VAC14: variants seen among roughly 807,000 people sequenced by gnomAD.
VAC14 encodes protein VAC14 homolog.
In VAC14, 47 loss-of-function variants were observed where a neutral mutation model predicts 85.3. That is an observed-to-expected ratio of 0.55 (90% confidence interval 0.44 to 0.70). VAC14 has a LOEUF of 0.70. Ranked by LOEUF, VAC14 falls within the 30% of genes least tolerant of loss-of-function variation. The pLI is 0.00. For synonymous variants in VAC14, 447 were observed against 430.5 expected (o/e 1.04, Z -0.47); for missense variants, 861 against 1,004.3 (o/e 0.86, Z 1.93).
chr16:70,730,203 C>G (rs1234510001), intron 14 of VAC14, among the ~76,000 whole-genome samples: 1 of 151,968 alleles, frequency 6.6e-6, no homozygotes, highest in Non-Finnish European at 1.5e-5. Flanking sequence ...GCCACAGTCT[C>G]TGCTTGGACA....
chr16:70,766,967 C>T (rs955007052), intron 10 of VAC14, among the ~76,000 whole-genome samples: 1 of 152,140 alleles, frequency 6.6e-6, no homozygotes. Context: ...ACCCTGCTGT[C>T]GTGGCTTACC....
At chr16:70,720,057 T>C (rs2054251619) in intron 14 of VAC14, among the ~76,000 whole-genome samples, 1 of 152,110 alleles carries the variant, frequency 6.6e-6, no homozygotes, top group South Asian at 2.1e-4. Context: ...ACAAACCCAA[T>C]GTGGATCCAA....
chr16:70,770,485 A>G (rs1050385819), intron 10 of VAC14: 3 of 152,216 alleles, frequency 2.0e-5, no homozygotes, highest in African/African-American at 7.2e-5. Context: ...GACAAAGCTG[A>G]AGGATCCGAC....
chr16:70,783,511 T>G lies in VAC14; in HGVS notation c.638A>C (p.Tyr213Ser). 6.2e-7 allele frequency: 1 copy of G among 1,614,006 alleles called. No homozygotes were observed. The highest frequency in any genetic ancestry group is 8.5e-7 in the Non-Finnish European group (1 of 1,180,008). Residue 213 changes from tyrosine to serine, a missense_variant, in exon 6 of 19, where the codon TAC (tyrosine) becomes TCC (serine). Coordinates refer to ENST00000261776, the MANE Select transcript of VAC14 (RefSeq NM_018052.5). ...ESVPDINLLDYLPEILDGLFQ... is the reference protein window; with the variant it reads ...ESVPDINLLDSLPEILDGLFQ... ...GAGTCCATCCAGGATCTCCGGCAGG[T>G]AATCCAGCAGGTTAATGTCTGGCAC...
chr16:70,762,741 C>A lies in VAC14; in HGVS notation c.1306-136G>T. 6.7e-7 allele frequency: 1 copy of A among 1,497,780 alleles called. No individual in the cohort carries two copies. The highest frequency in any genetic ancestry group is 1.2e-5 in the South Asian group (1 of 83,092). The allele number at this position is 1,497,780 out of a possible 1,614,324, so 92.8% of individuals were successfully genotyped here. A position where few individuals can be genotyped will look rare whatever the true frequency, so the allele number is the denominator to read the frequency against. On this transcript the variant is annotated intron_variant, in intron 11 of 18. Coordinates refer to ENST00000261776, the MANE Select transcript of VAC14 (RefSeq NM_018052.5). This position sits in a 1 kb window ranked among gnomAD's most constrained non-coding sequence, Gnocchi z 4.1. The stretch of plus-strand genomic sequence containing the variant: ...TCCCTCCCCGACACAATGAGGGCTC[C>A]TCGCAGCACCTGTCACTTCTCTGCC...
intron 10 of VAC14, 28 bp downstream of exon 10, chr16:70,772,081 A>T: frequency 6.2e-7 from 1 of 1,612,060 alleles, no homozygotes; most frequent in African/African-American, 1.3e-5. Flanking sequence ...GCTTTCCACA[A>T]ACCTTCTGGC....
intron 14 of VAC14, among the ~76,000 whole-genome samples, chr16:70,729,918 T>C (rs1430000598): frequency 3.9e-5 from 6 of 152,090 alleles, no homozygotes; most frequent in Non-Finnish European, 8.8e-5. Context: ...TACAGCAAAC[T>C]ACTTCTTCAA....
intron 18 of VAC14, chr16:70,691,179 G>A (rs550444099): frequency 1.9e-5 from 19 of 985,524 alleles, no homozygotes; most frequent in East Asian, 2.3e-4. Context: ...CTGGTTTGAG[G>A]AGTCTGACTG....
intron 10 of VAC14, chr16:70,766,369 C>CGGCA (rs1278979863): frequency 4.9e-6 from 2 of 408,868 alleles, no homozygotes; most frequent in Admixed American, 2.6e-5. Context: ...GGCCAAAGAA[C>CGGCA]GGCAGCATAT....
At chr16:70,728,917 T>TG (rs369035131) in intron 14 of VAC14, among the ~76,000 whole-genome samples, 15 of 152,216 alleles carry the variant, frequency 9.9e-5, no homozygotes, top group African/African-American at 1.4e-4. Context: ...GCTTTCCTGG[T>TG]GGGGGGGCCT....
intron 9 of VAC14, among the ~76,000 whole-genome samples, chr16:70,775,891 T>C (rs553474357): frequency 5.9e-5 from 9 of 152,326 alleles, no homozygotes; most frequent in Middle Eastern, 6.8e-3. Flanking sequence ...AGGGGAAGGA[T>C]TGGGCACTTC....
chr16:70,723,994 G>A (rs1465609305), intron 14 of VAC14, among the ~76,000 whole-genome samples: 1 of 152,074 alleles, frequency 6.6e-6, no homozygotes, highest in Non-Finnish European at 1.5e-5. Flanking sequence ...AAGGACACAT[G>A]GCCACCTCTT....
At chr16:70,767,292 A>T (rs1330575414) in intron 10 of VAC14, among the ~76,000 whole-genome samples, 1 of 152,188 alleles carries the variant, frequency 6.6e-6, no homozygotes, top group Non-Finnish European at 1.5e-5. Context: ...CATTTCTGTA[A>T]CGTCTAACTT....
chr16:70,795,953 G>C (rs2034528407), intron 1 of VAC14, among the ~76,000 whole-genome samples: 5 of 152,306 alleles, frequency 3.3e-5, no homozygotes, highest in Admixed American at 3.3e-4. Flanking sequence ...ACACTGATCA[G>C]AGTGCCTGCT....
intron 13 of VAC14, among the ~76,000 whole-genome samples, chr16:70,733,533 T>C (rs375430422): frequency 6.6e-6 from 1 of 152,056 alleles, no homozygotes; most frequent in African/African-American, 2.4e-5. Context: ...TACTGGATGA[T>C]GGGGGTGGAT....
In VAC14 at chr16:70,762,142, C is replaced by G. The variant is rs1212614358; in HGVS notation, c.1371+398G>C. Among the ~76,000 whole-genome samples, 1 of 152,016 alleles carries G rather than the reference C, an allele frequency of 6.6e-6. No individual in the cohort carries two copies. The highest frequency in any genetic ancestry group is 2.4e-5 in the African/African-American group (1 of 41,378). ...TGTTTTTTTGAGACAGGGTCTCACT[C>G]TGTCGCCCAAGCTGGAGTGCAGTGG... On this transcript the variant is annotated intron_variant, in intron 12 of 18. Transcript: ENST00000261776. The surrounding 1 kb of genome is among the most constrained non-coding windows in gnomAD (Gnocchi z 4.1).
intron 8 of VAC14, among the ~76,000 whole-genome samples, 165 bp from the exon 9 acceptor site, chr16:70,781,104 A>G (rs533323860): frequency 4.0e-4 from 61 of 152,206 alleles, no homozygotes; most frequent in African/African-American, 1.5e-3. Flanking sequence ...CATGGTACTG[A>G]GCGAGTTGAG....
chr16:70,751,535 G>A (rs1018522657), intron 12 of VAC14, among the ~76,000 whole-genome samples: 1 of 152,232 alleles, frequency 6.6e-6, no homozygotes, highest in Non-Finnish European at 1.5e-5. Context: ...AAACCTTGGG[G>A]TCTTCTGCTC....
At chr16:70,761,038 A>C (rs2032332120) in intron 12 of VAC14, 1 of 237,428 alleles carries the variant, frequency 4.2e-6, no homozygotes, top group African/African-American at 3.2e-5. Context: ...GGCGGGGGGT[A>C]GGCAGGAGAG....
Sources: allele counts gnomAD v4.1 joint callset (sites outside exome capture counted in the v4.1 genomes callset), GRCh38; gene constraint gnomAD v4.1.1; non-coding constraint Gnocchi (gnomAD v3.1); transcripts MANE v1.5; gene names NCBI Gene and HGNC (gene_info 2026-07-23, HGNC 2026-07-21).